Variants in UNC80 observed in about 807,000 individuals in gnomAD.
The protein encoded by UNC80 is unc-80 subunit of NALCN channel complex, also known as protein unc-80 homolog.
Under a neutral mutation model 384.6 loss-of-function variants are expected in UNC80, and 164 were observed. The observed-to-expected ratio is 0.43, with a 90% confidence interval of 0.38 to 0.49. The LOEUF is 0.49. Among genes scored for constraint, UNC80 ranks in the 20% least tolerant of loss-of-function variants. The probability of loss-of-function intolerance (pLI) is 0.00; values close to 1 mark genes in which losing one functional copy is unlikely to be tolerated. For synonymous variants in UNC80, 1,486 were observed against 1,527.8 expected (o/e 0.97, Z 0.64); for missense variants, 3,330 against 4,143.0 (o/e 0.80, Z 5.39).
At chr2:209,887,531 G>T (rs999347265) in intron 25 of UNC80, among the ~76,000 whole-genome samples, 3 of 152,156 alleles carry the variant, frequency 2.0e-5, no homozygotes, top group African/African-American at 4.8e-5. Context: ...TTGTTGCCAT[G>T]TAAGGCAACA....
At chr2:209,848,630 G>A (rs777791495) in intron 21 of UNC80, among the ~76,000 whole-genome samples, 1 of 152,062 alleles carries the variant, frequency 6.6e-6, no homozygotes, top group Non-Finnish European at 1.5e-5. Flanking sequence ...ACTGACATAC[G>A]TCAATACGAT....
chr2:209,948,204 G>A (rs2091998462), intron 47 of UNC80, among the ~76,000 whole-genome samples: 1 of 152,030 alleles, frequency 6.6e-6, no homozygotes, highest in South Asian at 2.1e-4. Flanking sequence ...TGGAACTGCT[G>A]GGCTAAGTCA....
At chr2:209,789,941 T>C (rs1289539606) in intron 6 of UNC80, among the ~76,000 whole-genome samples, 1 of 152,012 alleles carries the variant, frequency 6.6e-6, no homozygotes, top group Non-Finnish European at 1.5e-5. Flanking sequence ...AAATAACATA[T>C]CACCTTGTTC....
At chr2:209,853,896 C>T (rs1434237205) in intron 22 of UNC80, among the ~76,000 whole-genome samples, 1 of 152,058 alleles carries the variant, frequency 6.6e-6, no homozygotes, top group Non-Finnish European at 1.5e-5. Context: ...TGGAGGAAAT[C>T]TAATGTTAAA....
At chr2:209,785,290 T>C (rs996396075) in intron 4 of UNC80, among the ~76,000 whole-genome samples, 10 of 152,198 alleles carry the variant, frequency 6.6e-5, no homozygotes, top group African/African-American at 2.2e-4. Flanking sequence ...GTGTTTAAGA[T>C]ATAATCTCAG....
intron 51 of UNC80, among the ~76,000 whole-genome samples, chr2:209,963,044 G>A (rs1246566231): frequency 6.6e-6 from 1 of 152,262 alleles, no homozygotes; most frequent in East Asian, 1.9e-4. Context: ...ACATTGCTAA[G>A]GCAATCTATA....
chr2:209,889,681 C>T (rs2086149444), intron 26 of UNC80, among the ~76,000 whole-genome samples: 1 of 152,220 alleles, frequency 6.6e-6, no homozygotes. Flanking sequence ...AGTGATGTTC[C>T]CCTCCCTATG....
At chr2:209,830,820 G>A (rs1013632115) in intron 15 of UNC80, among the ~76,000 whole-genome samples, 2 of 152,162 alleles carry the variant, frequency 1.3e-5, no homozygotes, top group Non-Finnish European at 2.9e-5. Flanking sequence ...GAAGGAGGTG[G>A]CTCTGAGGAA....
Position 209,982,300 on chromosome 2 carries a change from C to T in UNC80, c.9240C>T (p.Gly3080=). 6.4e-7 allele frequency: 1 copy of T among 1,551,176 alleles called. No homozygotes were observed. Among genetic ancestry groups the T allele is most frequent in the Non-Finnish European group, 8.7e-7 (1 of 1,146,788 alleles). The part of the protein sequence containing the change: ...SSMSVPQAEV[G]MLPSQSEPNV... ...TGTCTGTACCTCAGGCTGAGGTGGGCATGCTACCCAGCCAGAGGTAAACAG... is the reference window on the plus strand; with the variant it reads ...TGTCTGTACCTCAGGCTGAGGTGGGTATGCTACCCAGCCAGAGGTAAACAG... Residue 3080 remains glycine (G), a synonymous_variant, in exon 60 of 65, where the codon GGC becomes GGT. Transcript: ENST00000673920.
chr2:209,772,712 T>A (rs1337565763), intron 1 of UNC80, among the ~76,000 whole-genome samples: 1 of 152,188 alleles, frequency 6.6e-6, no homozygotes, highest in Non-Finnish European at 1.5e-5. Flanking sequence ...TTTATTATTG[T>A]TATTTTAGAG....
At chr2:209,798,309 C>A (rs924958770) in intron 7 of UNC80, among the ~76,000 whole-genome samples, 1 of 152,188 alleles carries the variant, frequency 6.6e-6, no homozygotes, top group Non-Finnish European at 1.5e-5. Context: ...ACATTTAAGT[C>A]TTTAATCCAT....
At position 209,982,071 on chromosome 2, in the gene UNC80, G is replaced by A. The variant is rs1575216911; in HGVS notation, c.9119-108G>A. The A allele has an allele frequency of 1.7e-5, 19 of 1,109,172 alleles. No individual in the cohort carries two copies. In the East Asian group the frequency reaches 5.0e-4, roughly 29 times the overall value. The allele number at this position is 1,109,172 out of a possible 1,614,324, so 68.7% of individuals were successfully genotyped here. A position where few individuals can be genotyped will look rare whatever the true frequency, so the allele number is the denominator to read the frequency against. ...CAATGATAATTTAGATTTACACACA[G>A]CCCTAAGTTGTACACAAGCCAAGGA... On this transcript the variant is annotated intron_variant, in intron 59 of 64. Coordinates refer to ENST00000673920, the MANE Select transcript of UNC80 (RefSeq NM_001371986.1).
intron 59 of UNC80, among the ~76,000 whole-genome samples, chr2:209,981,350 G>A (rs1165947844): frequency 6.6e-6 from 1 of 152,222 alleles, no homozygotes; most frequent in Non-Finnish European, 1.5e-5. Context: ...GGCCGAGGCG[G>A]GTGGATCACC....
chr2:209,835,687 G>A (rs145739920), intron 18 of UNC80, among the ~76,000 whole-genome samples: 1 of 152,270 alleles, frequency 6.6e-6, no homozygotes, highest in African/African-American at 2.4e-5. Context: ...GTGTAAACAT[G>A]TACTTCGTTT....
chr2:209,820,680 G>T lies in UNC80; in HGVS notation c.2331+1G>T, dbSNP rs1280592781. 1 of 1,535,186 alleles carries T rather than the reference G, an allele frequency of 6.5e-7. No individual in the cohort carries two copies. The highest frequency in any genetic ancestry group is 8.8e-7 in the Non-Finnish European group (1 of 1,139,798). On this transcript the variant is annotated splice_donor_variant, in intron 13 of 64. Coordinates refer to ENST00000673920, the MANE Select transcript of UNC80 (RefSeq NM_001371986.1). LOFTEE classifies it high-confidence loss of function. ...GAAGAATGATAAGAACCAAGAGAAG[G>T]TATGACTGAACCACCTTATGTGTCC... is the stretch of plus-strand genomic sequence containing the variant.
At chr2:209,909,262 T>C (rs143046878) in intron 29 of UNC80, among the ~76,000 whole-genome samples, 2,460 of 152,268 alleles carry the variant, frequency 0.016, 78 homozygotes, top group African/African-American at 0.056. Flanking sequence ...ATTATTCCTC[T>C]CTAGTCAATA....
chr2:209,841,944 T>C (rs558332988), intron 20 of UNC80, among the ~76,000 whole-genome samples: 1 of 152,344 alleles, frequency 6.6e-6, no homozygotes, highest in Non-Finnish European at 1.5e-5. Context: ...TACCTTATAC[T>C]GATTCTTTCA....
chr2:209,869,222 T>C (rs985829829), intron 22 of UNC80: 5 of 152,218 alleles, frequency 3.3e-5, no homozygotes, highest in African/African-American at 9.6e-5. Flanking sequence ...CAGATTGCAC[T>C]GAGCCATAAG....
intron 35 of UNC80, among the ~76,000 whole-genome samples, chr2:209,925,175 T>C (rs2090331919): frequency 6.6e-6 from 1 of 152,114 alleles, no homozygotes; most frequent in Non-Finnish European, 1.5e-5. Flanking sequence ...GAAAAAAGTG[T>C]ATTTCACAGT....
Sources: gnomAD v4.1 joint callset for allele counts (sites outside exome capture counted in the v4.1 genomes callset) on GRCh38, gnomAD v4.1.1 for gene constraint, MANE v1.5 for transcripts, NCBI Gene and HGNC (gene_info 2026-07-23, HGNC 2026-07-21) for gene names.